ATG16L1: variants seen among roughly 807,000 people sequenced by gnomAD.
The protein encoded by ATG16L1 is autophagy related 16 like 1, also known as autophagy-related protein 16-1.
A neutral mutation model predicts 88.5 loss-of-function variants in ATG16L1; 37 were observed. The observed-to-expected ratio is 0.42, with a 90% CI of 0.32 to 0.55. The LOEUF is 0.55. Among genes scored for constraint, ATG16L1 ranks in the 20% least tolerant of loss-of-function variants. The pLI is 0.13. For missense variants in ATG16L1, 554 were observed against 752.8 expected (o/e 0.74, Z 3.09); for synonymous variants, 301 against 281.0 (o/e 1.07, Z -0.71).
intron 7 of ATG16L1, 90 bp from the exon 8 acceptor site, chr2:233,273,631 C>A: frequency 7.9e-7 from 1 of 1,258,464 alleles, no homozygotes; most frequent in Non-Finnish European, 1.2e-6. Flanking sequence ...GAAACATATT[C>A]CCAGTTACCT....
chr2:233,289,247 A>C (rs1699287318), intron 12 of ATG16L1, among the ~76,000 whole-genome samples: 1 of 152,094 alleles, frequency 6.6e-6, no homozygotes, highest in Non-Finnish European at 1.5e-5. Context: ...TGTTATTTTT[A>C]GTGGGAGTTT....
At position 233,256,277 on chromosome 2, in the gene ATG16L1, A is replaced by C. The variant is rs1231824209; in HGVS notation, c.209+82A>C. 3 of 1,172,058 alleles carry C rather than the reference A, an allele frequency of 2.6e-6. No individual in the cohort carries two copies. In the African/African-American group the frequency reaches 4.6e-5, roughly 18 times the overall value. The allele number at this position is 1,172,058 out of a possible 1,614,324, so 72.6% of individuals were successfully genotyped here. A position where few individuals can be genotyped will look rare whatever the true frequency, so the allele number is the denominator to read the frequency against. The stretch of plus-strand genomic sequence containing the variant: ...TCAGTTGTCACTTCTCTAATTTAAA[A>C]GCAAATCAAGTACTATTTCTGTGTT... On this transcript the variant is annotated intron_variant, in intron 2 of 17. Coordinates refer to ENST00000392017, the MANE Select transcript of ATG16L1 (RefSeq NM_030803.7).
intron 5 of ATG16L1, among the ~76,000 whole-genome samples, chr2:233,268,622 A>T (rs898206685): frequency 6.6e-6 from 1 of 152,248 alleles, no homozygotes; most frequent in Non-Finnish European, 1.5e-5. Context: ...TGCTTTAATC[A>T]TAGAGTAGTG....
At chr2:233,263,055 G>A in intron 2 of ATG16L1, 75 bp from the exon 3 acceptor site, 1 of 1,259,680 alleles carries the variant, frequency 7.9e-7, no homozygotes, top group Non-Finnish European at 1.1e-6. Flanking sequence ...TTGCCTAATT[G>A]GAAAGGTTTG....
chr2:233,282,533 C>T, intron 11 of ATG16L1, 149 bp from the exon 12 acceptor site: 1 of 670,234 alleles, frequency 1.5e-6, no homozygotes, highest in South Asian at 1.8e-5. Flanking sequence ...AGTTGAAGCA[C>T]ACTCACGACA....
At chr2:233,262,224 C>T (rs1462306312) in intron 2 of ATG16L1, among the ~76,000 whole-genome samples, 4 of 152,310 alleles carry the variant, frequency 2.6e-5, no homozygotes, top group Middle Eastern at 3.4e-3. Flanking sequence ...GATCTAGAAT[C>T]AGACCGTATC....
At chr2:233,262,382 C>T (rs1248918536) in intron 2 of ATG16L1, among the ~76,000 whole-genome samples, 1 of 152,152 alleles carries the variant, frequency 6.6e-6, no homozygotes, top group Admixed American at 6.5e-5. Context: ...TGCTCAGAGC[C>T]CTCCAGCAGC....
intron 14 of ATG16L1, 84 bp downstream of exon 14, chr2:233,290,437 C>T (rs904594839): frequency 9.3e-7 from 1 of 1,080,512 alleles, no homozygotes; most frequent in African/African-American, 1.6e-5. Flanking sequence ...TTTAAGATCT[C>T]AGGACATGGC....
At chr2:233,254,248 C>T (rs1254703562) in intron 1 of ATG16L1, among the ~76,000 whole-genome samples, 2 of 152,130 alleles carry the variant, frequency 1.3e-5, no homozygotes, top group African/African-American at 2.4e-5. Flanking sequence ...GCTAGAGTAG[C>T]GAGTAATACC....
At chr2:233,272,891 A>G (rs1042401617) in intron 6 of ATG16L1, 75 bp from the exon 7 acceptor site, 12 of 1,290,880 alleles carry the variant, frequency 9.3e-6, no homozygotes, top group Non-Finnish European at 1.3e-5. Context: ...CTAGAAAATG[A>G]CATTAGCATT....
chr2:233,290,116 T>C (rs1699365191), intron 13 of ATG16L1, 132 bp from the exon 14 acceptor site: 1 of 1,501,254 alleles, frequency 6.7e-7, no homozygotes. Context: ...CTGAGGATAG[T>C]GATAGTTTTT....
chr2:233,275,818 G>T (rs114349660), intron 9 of ATG16L1: 1 of 519,058 alleles, frequency 1.9e-6, no homozygotes, highest in East Asian at 5.4e-5. Flanking sequence ...TTTCCCTCCC[G>T]TCACATTTAA....
chr2:233,269,278 A>G (rs1697817181), intron 5 of ATG16L1, among the ~76,000 whole-genome samples: 1 of 152,226 alleles, frequency 6.6e-6, no homozygotes, highest in African/African-American at 2.4e-5. Context: ...TAAGGCTTAA[A>G]TGAGTTAAAG....
At chr2:233,271,728 T>G (rs1698008605) in intron 6 of ATG16L1, among the ~76,000 whole-genome samples, 1 of 152,246 alleles carries the variant, frequency 6.6e-6, no homozygotes, top group South Asian at 2.1e-4. Flanking sequence ...ACCATAAAAT[T>G]CTATTTTCAA....
At chr2:233,292,776 C>A (rs536189618) in intron 16 of ATG16L1, among the ~76,000 whole-genome samples, 1 of 152,350 alleles carries the variant, frequency 6.6e-6, no homozygotes, top group African/African-American at 2.4e-5. Context: ...TGGGGCGGGA[C>A]TGAAAAGGCT....
chr2:233,290,769 C>A (rs949880794), intron 14 of ATG16L1, among the ~76,000 whole-genome samples: 1 of 152,208 alleles, frequency 6.6e-6, no homozygotes, highest in Non-Finnish European at 1.5e-5. Flanking sequence ...AGGAAAGCCA[C>A]TCAAACTTTT....
At chr2:233,268,536 TAAGTC>T (rs1697762767) in intron 5 of ATG16L1, among the ~76,000 whole-genome samples, 1 of 152,204 alleles carries the variant, frequency 6.6e-6, no homozygotes, top group Non-Finnish European at 1.5e-5. Flanking sequence ...CCTGTGACCC[TAAGTC>T]AAGTTTTTAT....
At chr2:233,282,660 T>G (rs1353074094) in intron 11 of ATG16L1, 22 bp from the exon 12 acceptor site, 1 of 1,612,364 alleles carries the variant, frequency 6.2e-7, no homozygotes, top group Non-Finnish European at 8.5e-7. Flanking sequence ...AAAATTGGTT[T>G]TCCTCTTCTT....
rs34087184 is a variant in ATG16L1 at position 233,286,621 on chromosome 2, C to CATTTTTT, written c.1204-3233_1204-3232insATTTTTT. On this transcript the variant is annotated intron_variant, in intron 12 of 17. Coordinates refer to ENST00000392017, the MANE Select transcript of ATG16L1 (RefSeq NM_030803.7). ...AGAATAAGGTGAGCAGAAGCCCAAA[C>CATTTTTT]TTTTTTTTTTTTTTTTTTTTTTGAG... Among the ~76,000 whole-genome samples, 31 of 93,292 alleles carry CATTTTTT rather than the reference C, an allele frequency of 3.3e-4. 1 individual carries two copies. The highest frequency in any genetic ancestry group is 1.7e-3 in the East Asian group (6 of 3,516). The allele number at this position is 93,292 out of a possible 152,430, so 61.2% of individuals were successfully genotyped here.
Sources: allele counts gnomAD v4.1 joint callset (sites outside exome capture counted in the v4.1 genomes callset), GRCh38; gene constraint gnomAD v4.1.1; transcripts MANE v1.5; gene names NCBI Gene and HGNC (gene_info 2026-07-23, HGNC 2026-07-21).